MGST1: variants seen among roughly 807,000 people sequenced by gnomAD.
MGST1 encodes glutathione S-transferase 12.
A neutral mutation model predicts 8.9 loss-of-function variants in MGST1; 5 were observed. The observed-to-expected ratio is 0.56, with a 90% CI of 0.29 to 1.19. MGST1 has a LOEUF of 1.19. MGST1 is among the 50% of genes most tolerant of loss of function. The probability of loss-of-function intolerance (pLI) is 0.08; values close to 1 mark genes in which losing one functional copy is unlikely to be tolerated. For missense variants in MGST1, 182 were observed against 187.4 expected (o/e 0.97, Z 0.17); for synonymous variants, 54 against 67.8 (o/e 0.80, Z 1.00).
chr12:16,513,537 A>T lies in MGST1; in HGVS notation n.483-75991A>T. The T allele has an allele frequency of 2.1e-6, 1 of 486,492 alleles. No homozygotes were observed. The highest frequency in any genetic ancestry group is 4.2e-6 in the Non-Finnish European group (1 of 237,048). The allele number at this position is 486,492 out of a possible 1,614,324, so 30.1% of individuals were successfully genotyped here. On this transcript the variant is annotated intron_variant and non_coding_transcript_variant, in intron 4 of 4. Coordinates refer to the MGST1 transcript ENST00000538857. The surrounding 1 kb of genome is among the most constrained non-coding windows in gnomAD (Gnocchi z 4.2). ...CAGATCCCATCCTTGGAGTCACCGA[A>T]GGCTTTAAGAGGGACACCAATAGCA...
At chr12:16,445,103 T>G (rs1401753434) in intron 4 of MGST1, among the ~76,000 whole-genome samples, 1 of 151,756 alleles carries the variant, frequency 6.6e-6, no homozygotes, top group East Asian at 2.0e-4. Flanking sequence ...TACAGCATCC[T>G]GGGCTTGCTG....
rs1175393305 is a variant in MGST1, at chr12:16,401,782, G to A, written n.778+18178G>A. The A allele has an allele frequency of 8.7e-6, 14 of 1,601,580 alleles. No individual in the cohort carries two copies. The highest frequency in any genetic ancestry group is 1.1e-5 in the Non-Finnish European group (13 of 1,168,678). On this transcript the variant is annotated intron_variant and non_coding_transcript_variant, in intron 1 of 1. Coordinates refer to the MGST1 transcript ENST00000359720. This position sits in a 1 kb window ranked among gnomAD's most constrained non-coding sequence, Gnocchi z 4.3. ...TCCACAGACTCAGCCAGTTTGCTGT[G>A]TCAAACTTTCTCATCTGCATCAACT...
At chr12:16,366,896 G>A (rs182473139), downstream of MGST1, among the ~76,000 whole-genome samples, 1 of 152,170 alleles carries the variant, frequency 6.6e-6, no homozygotes, top group African/African-American at 2.4e-5. This position sits in a 1 kb window ranked among gnomAD's most constrained non-coding sequence, Gnocchi z 4.0. Flanking sequence ...GAGTTTTGGG[G>A]GCAGGGTTCA....
chr12:16,438,170 C>T (rs932894080), exon 2 of MGST1: 7 of 151,928 alleles, frequency 4.6e-5, no homozygotes, highest in African/African-American at 1.4e-4. Flanking sequence ...TCATCTTTGC[C>T]ATTTCTCTTA....
At chr12:16,386,383 C>A (rs7973664) in intron 1 of MGST1, among the ~76,000 whole-genome samples, 62,093 of 151,662 alleles carry the variant, frequency 0.41, 13,362 homozygotes, top group East Asian at 0.56. Context: ...CACAACTTAG[C>A]CCTAGCACAT....
chr12:16,436,574 AG>A (rs1940988725), intron 1 of MGST1, among the ~76,000 whole-genome samples: 1 of 152,046 alleles, frequency 6.6e-6, no homozygotes, highest in Non-Finnish European at 1.5e-5. Flanking sequence ...AAACAGTAAA[AG>A]GAAGTATTTC....
chr12:16,365,696 A>G (rs1320396517), downstream of MGST1, among the ~76,000 whole-genome samples: 1 of 152,080 alleles, frequency 6.6e-6, no homozygotes, highest in African/African-American at 2.4e-5. Context: ...GAAAAGTCCG[A>G]AACCCATGAG....
At chr12:16,522,379 A>G (rs1260258972) in intron 4 of MGST1, among the ~76,000 whole-genome samples, 2 of 152,058 alleles carry the variant, frequency 1.3e-5, no homozygotes, top group Admixed American at 6.6e-5. Context: ...GTACTTTGGC[A>G]TAACTCTTTT....
intron 4 of MGST1, among the ~76,000 whole-genome samples, chr12:16,460,319 A>C (rs1009889155): frequency 1.3e-5 from 2 of 152,070 alleles, no homozygotes; most frequent in African/African-American, 4.8e-5. Context: ...CTGCTGGAGG[A>C]ATCGGGAATG....
chr12:16,503,041 C>T lies in MGST1; in HGVS notation n.483-86487C>T, dbSNP rs1247520295. 6.6e-6 allele frequency among the ~76,000 whole-genome samples: 1 copy of T among 152,056 alleles called. No homozygotes were observed. The highest frequency in any genetic ancestry group is 2.4e-5 in the African/African-American group (1 of 41,392). On this transcript the variant is annotated intron_variant and non_coding_transcript_variant, in intron 4 of 4. Transcript: ENST00000538857. The surrounding 1 kb of genome is among the most constrained non-coding windows in gnomAD (Gnocchi z 4.8). ...GACATTAGGAGTAGAATATGAATGACAAGTCAAATACAATCTCTGAGGGTG... is the reference window on the plus strand; with the variant it reads ...GACATTAGGAGTAGAATATGAATGATAAGTCAAATACAATCTCTGAGGGTG...
At chr12:16,486,907 G>A (rs891433536) in intron 4 of MGST1, among the ~76,000 whole-genome samples, 10 of 152,072 alleles carry the variant, frequency 6.6e-5, no homozygotes, top group East Asian at 1.9e-4. Context: ...TGCAGGACTC[G>A]CATTACAGTT....
intron 1 of MGST1, among the ~76,000 whole-genome samples, chr12:16,425,739 G>A (rs933084026): frequency 1.3e-5 from 2 of 152,070 alleles, no homozygotes; most frequent in East Asian, 1.9e-4. Context: ...TGTTCTTCAC[G>A]TCCTTATTCC....
chr12:16,482,544 T>A lies in MGST1; in HGVS notation n.482+98940T>A, dbSNP rs1941371147. On this transcript the variant is annotated intron_variant and non_coding_transcript_variant, in intron 4 of 4. Coordinates refer to the MGST1 transcript ENST00000538857. This position sits in a 1 kb window ranked among gnomAD's most constrained non-coding sequence, Gnocchi z 4.2. ...TACTCGGGAGGCCGAGGCAGGAGAATTGCTTGAAACTGGGAGGTGGAGATT... is the reference window on the plus strand; with the variant it reads ...TACTCGGGAGGCCGAGGCAGGAGAAATGCTTGAAACTGGGAGGTGGAGATT... 6.6e-6 allele frequency among the ~76,000 whole-genome samples: 1 copy of A among 151,854 alleles called. No homozygotes were observed. The highest frequency in any genetic ancestry group is 6.6e-5 in the Admixed American group (1 of 15,266).
chr12:16,488,045 A>G (rs1838449501), intron 4 of MGST1, among the ~76,000 whole-genome samples: 1 of 152,202 alleles, frequency 6.6e-6, no homozygotes, highest in South Asian at 2.1e-4. Context: ...TAAGAAATAA[A>G]GGATTGATCA....
intron 4 of MGST1, among the ~76,000 whole-genome samples, chr12:16,504,375 G>A (rs992780574): frequency 7.9e-5 from 12 of 152,012 alleles, no homozygotes; most frequent in Admixed American, 3.3e-4. Context: ...TTTCTCCCAC[G>A]CCTAGATGCT....
chr12:16,512,373 T>C (rs1341342734), intron 4 of MGST1, among the ~76,000 whole-genome samples: 1 of 152,216 alleles, frequency 6.6e-6, no homozygotes, highest in Non-Finnish European at 1.5e-5. Flanking sequence ...TTGATTGAAT[T>C]ACAAAATTTT....
rs1440699514 is a variant in MGST1, at chr12:16,544,927, T to C, written n.483-44601T>C. On this transcript the variant is annotated intron_variant and non_coding_transcript_variant, in intron 4 of 4. Coordinates refer to the MGST1 transcript ENST00000538857. This position sits in a 1 kb window ranked among gnomAD's most constrained non-coding sequence, Gnocchi z 4.8. Reference sequence around the variant, plus strand: ...GTTCTTGTGCCCCAACCAAGGTTCATATCGTCAATAACACAGATCCTGTAA... The same window carrying C: ...GTTCTTGTGCCCCAACCAAGGTTCACATCGTCAATAACACAGATCCTGTAA... Among the ~76,000 whole-genome samples the C allele has an allele frequency of 1.3e-5, 2 of 152,094 alleles. No individual in the cohort carries two copies. Among genetic ancestry groups the C allele is most frequent in the Admixed American group, 6.6e-5 (1 of 15,252 alleles).
upstream of MGST1, among the ~76,000 whole-genome samples, chr12:16,382,551 G>C (rs187601152): frequency 2.6e-5 from 4 of 151,976 alleles, no homozygotes; most frequent in Admixed American, 1.3e-4. Context: ...CGCCCCTACT[G>C]GGGGGGTGCC....
At chr12:16,505,401 G>T (rs1775243530) in intron 4 of MGST1, among the ~76,000 whole-genome samples, 3 of 152,206 alleles carry the variant, frequency 2.0e-5, no homozygotes, top group Admixed American at 1.3e-4. Context: ...GGCTCCTTCA[G>T]CTTGTCAGGT....
Sources: gnomAD v4.1 joint callset for allele counts (sites outside exome capture counted in the v4.1 genomes callset) on GRCh38, gnomAD v4.1.1 for gene constraint, Gnocchi (gnomAD v3.1) non-coding constraint, MANE v1.5 for transcripts, NCBI Gene and HGNC (gene_info 2026-07-23, HGNC 2026-07-21) for gene names.